ZSCAN2: variants seen among roughly 807,000 people sequenced by gnomAD.
ZSCAN2 encodes zinc finger and SCAN domain containing 2.
In ZSCAN2, 26 loss-of-function variants were observed where a neutral mutation model predicts 47.8. The observed-to-expected ratio is 0.54, with a 90% CI of 0.40 to 0.75. ZSCAN2 has a LOEUF of 0.75. Ranked by LOEUF, ZSCAN2 falls within the 30% of genes least tolerant of loss-of-function variation. The pLI is 0.00. For synonymous variants in ZSCAN2, 305 were observed against 288.7 expected, an observed-to-expected ratio of 1.06 and a Z score of -0.57; for missense variants, 732 against 785.4, an observed-to-expected ratio of 0.93 and a Z score of 0.81.
Position 84,620,925 on chromosome 15 carries a change from CACACAGGAGAGAAAT to C in ZSCAN2, c.733_747del (p.Thr245_Tyr249del). Reference sequence around the variant, plus strand: ...CCACCTCATCACACACGAGAGGACCCACACAGGAGAGAAATACTACAAATGTGATGAATGTGGAAA... The same window carrying C: ...CCACCTCATCACACACGAGAGGACCCACTACAAATGTGATGAATGTGGAAA... On this transcript the variant is annotated inframe_deletion, in exon 3 of 3. Coordinates refer to ENST00000546148, the MANE Select transcript of ZSCAN2 (RefSeq NM_181877.4). 6.2e-7 allele frequency: 1 copy of C among 1,614,142 alleles called. No homozygotes were observed. The highest frequency in any genetic ancestry group is 1.7e-5 in the Admixed American group (1 of 60,016).
rs754605006 is a variant in ZSCAN2 at position 84,620,644 on chromosome 15, A to G, written c.449A>G (p.Asp150Gly). Residue 150 changes from aspartate (D) to glycine (G), a missense_variant, in exon 3 of 3, where the codon GAC (aspartate) becomes GGC (glycine). Transcript: ENST00000546148. ...QSENGENCNQ[D>G]MFENESRKIF... ...GAAAATGGGGAGAACTGTAATCAAGACATGTTTGAGAATGAATCACGTAAG... is the reference window on the plus strand; with the variant it reads ...GAAAATGGGGAGAACTGTAATCAAGGCATGTTTGAGAATGAATCACGTAAG... 6.2e-7 allele frequency: 1 copy of G among 1,613,432 alleles called. No individual in the cohort carries two copies. The highest frequency in any genetic ancestry group is 8.5e-7 in the Non-Finnish European group (1 of 1,179,332).
rs768530916 is a variant in ZSCAN2, at chr15:84,622,506, T to C, written c.*466T>C. 5 of 659,140 alleles carry C rather than the reference T, an allele frequency of 7.6e-6. No individual in the cohort carries two copies. Among genetic ancestry groups the C allele is most frequent in the Non-Finnish European group, 1.4e-5 (5 of 358,036 alleles). 40.8% of individuals were successfully genotyped at this position (659,140 alleles called of 1,614,324 possible). A position where few individuals can be genotyped will look rare whatever the true frequency, so the allele number is the denominator to read the frequency against. On this transcript the variant is annotated 3_prime_UTR_variant, in exon 3 of 3. Coordinates refer to ENST00000546148, the MANE Select transcript of ZSCAN2 (RefSeq NM_181877.4). ...AGGTGCCTTCACCCCAAGCTGTTAGTGTTCCAGGGCACCCCAAGCTGTCAG... is the reference window on the plus strand; with the variant it reads ...AGGTGCCTTCACCCCAAGCTGTTAGCGTTCCAGGGCACCCCAAGCTGTCAG...
rs1163146228 is a variant in ZSCAN2 at position 84,622,645 on chromosome 15, G to C, written c.*605G>C. 13 of 717,386 alleles carry C rather than the reference G, an allele frequency of 1.8e-5. No homozygotes were observed. Among genetic ancestry groups the C allele is most frequent in the Non-Finnish European group, 3.1e-5 (12 of 385,104 alleles). The allele number at this position is 717,386 out of a possible 1,614,324, so 44.4% of individuals were successfully genotyped here. On this transcript the variant is annotated 3_prime_UTR_variant, in exon 3 of 3. Coordinates refer to ENST00000546148, the MANE Select transcript of ZSCAN2 (RefSeq NM_181877.4). ...AAGGTAAAGACCCTTTCTATTTCCA[G>C]AAAGTGTCAGGAGCACAGAAACTTG...
rs768337706 is a variant in ZSCAN2, at chr15:84,621,060, C to T, written c.865C>T (p.Arg289Trp). The T allele has an allele frequency of 1.2e-5, 20 of 1,613,950 alleles. No individual in the cohort carries two copies. The highest frequency in any genetic ancestry group is 3.3e-5 in the South Asian group (3 of 91,076). ...KCRDCGKSFS[R>W]SANLITHQRI... ...CAGAGACTGTGGGAAGAGCTTTAGCCGGAGTGCCAACCTCATAACCCACCA... is the reference window on the plus strand; with the variant it reads ...CAGAGACTGTGGGAAGAGCTTTAGCTGGAGTGCCAACCTCATAACCCACCA... Residue 289 changes from arginine (R) to tryptophan (W), a missense_variant, in exon 3 of 3, where the codon CGG becomes TGG. By Grantham distance (101) the Arg-to-Trp change is moderately radical. This residue lies in a region of ZSCAN2 where 412 missense variants were observed against 498.0 expected (regional missense o/e 0.83). Transcript: ENST00000546148. This position sits in a 1 kb window ranked among gnomAD's most constrained non-coding sequence, Gnocchi z 5.7.
At chr15:84,612,516 C>T (rs778294828) in intron 2 of ZSCAN2, among the ~76,000 whole-genome samples, 8 of 152,126 alleles carry the variant, frequency 5.3e-5, no homozygotes, top group African/African-American at 9.7e-5. Context: ...AGGTGGATCA[C>T]GAGGTCAGGA....
chr15:84,621,155 C>A lies in ZSCAN2; in HGVS notation c.960C>A (p.Asn320Lys). 1.2e-6 allele frequency: 2 copies of A among 1,614,004 alleles called. No individual in the cohort carries two copies. The highest frequency in any genetic ancestry group is 1.7e-6 in the Non-Finnish European group (2 of 1,179,994). Reference sequence around the variant, plus strand: ...GCAAGAGCTTCAGCAGGAGTCCCAACCTCATTGCACATCAGCGCACCCACA... The same window carrying A: ...GCAAGAGCTTCAGCAGGAGTCCCAAACTCATTGCACATCAGCGCACCCACA... ...ECGKSFSRSP[N>K]LIAHQRTHTG... Residue 320 changes from asparagine to lysine, a missense_variant, in exon 3 of 3, where the codon AAC (asparagine) becomes AAA (lysine). Coordinates refer to ENST00000546148, the MANE Select transcript of ZSCAN2 (RefSeq NM_181877.4). This position sits in a 1 kb window ranked among gnomAD's most constrained non-coding sequence, Gnocchi z 5.7.
chr15:84,606,765 C>T (rs750675228), intron 2 of ZSCAN2: 1 of 1,366,154 alleles, frequency 7.3e-7, no homozygotes, highest in Non-Finnish European at 9.4e-7. Flanking sequence ...TTTAACTGGG[C>T]ACCTGAGATG....
intron 2 of ZSCAN2, among the ~76,000 whole-genome samples, chr15:84,610,649 G>A (rs1444570576): frequency 1.3e-5 from 2 of 151,916 alleles, no homozygotes; most frequent in Non-Finnish European, 2.9e-5. Context: ...ACCACTCCCG[G>A]CTAATTTTTG....
intron 2 of ZSCAN2, among the ~76,000 whole-genome samples, chr15:84,615,173 C>T (rs1205481744): frequency 2.6e-5 from 4 of 152,134 alleles, no homozygotes; most frequent in Non-Finnish European, 4.4e-5. Flanking sequence ...CCAGGCTGAT[C>T]GTGAACTGCT....
At chr15:84,613,807 A>G (rs558089866) in intron 2 of ZSCAN2, among the ~76,000 whole-genome samples, 58 of 150,862 alleles carry the variant, frequency 3.8e-4, no homozygotes, top group Non-Finnish European at 4.4e-4. Flanking sequence ...TTAGCCTCCC[A>G]ACTAGCTGGG....
chr15:84,622,136 A>C lies in ZSCAN2; in HGVS notation c.*96A>C. On this transcript the variant is annotated 3_prime_UTR_variant, in exon 3 of 3. Coordinates refer to ENST00000546148, the MANE Select transcript of ZSCAN2 (RefSeq NM_181877.4). ...TTTCAAAGAGCTGTGCTTCCTAAAC[A>C]TTCTGGGGGGTTTTGCCAGAGTCTT... 1 of 1,149,362 alleles carries C rather than the reference A, an allele frequency of 8.7e-7. No homozygotes were observed. Among genetic ancestry groups the C allele is most frequent in the Non-Finnish European group, 1.2e-6 (1 of 801,746 alleles). 71.2% of individuals were successfully genotyped at this position (1,149,362 alleles called of 1,614,324 possible).
intron 2 of ZSCAN2, among the ~76,000 whole-genome samples, chr15:84,611,160 G>A (rs1237787520): frequency 6.6e-6 from 1 of 151,994 alleles, no homozygotes; most frequent in Non-Finnish European, 1.5e-5. Flanking sequence ...CCGGGCATGT[G>A]GTGGTGTGCA....
intron 2 of ZSCAN2, chr15:84,612,045 A>G (rs974225259): frequency 2.0e-5 from 3 of 152,270 alleles, no homozygotes; most frequent in African/African-American, 7.2e-5. Flanking sequence ...CCACCAATAA[A>G]TAAAGGAGGG....
At position 84,620,812 on chromosome 15, in the gene ZSCAN2, T is replaced by G. The variant is rs773018666; in HGVS notation, c.617T>G (p.Val206Gly). The G allele has an allele frequency of 6.2e-7, 1 of 1,614,070 alleles. No homozygotes were observed. Among genetic ancestry groups the G allele is most frequent in the Non-Finnish European group, 8.5e-7 (1 of 1,180,042 alleles). The change falls in exon 3 of 3, where the codon GTT becomes GGT. Residue 206 changes from valine to glycine, a missense_variant. Coordinates refer to ENST00000546148, the MANE Select transcript of ZSCAN2 (RefSeq NM_181877.4). ...GAGGTGGTTTCTCAGGACAGGGAAGTTGGCCAGCTCATAGGCCTGCAGGGC... is the reference window on the plus strand; with the variant it reads ...GAGGTGGTTTCTCAGGACAGGGAAGGTGGCCAGCTCATAGGCCTGCAGGGC... The part of the protein sequence containing the change: ...HGEVVSQDRE[V>G]GQLIGLQGTY...
chr15:84,609,835 C>T (rs1435644319), intron 2 of ZSCAN2, among the ~76,000 whole-genome samples: 2 of 152,222 alleles, frequency 1.3e-5, no homozygotes, highest in Non-Finnish European at 2.9e-5. Flanking sequence ...AATTTTGAGC[C>T]AAACACACAC....
intron 2 of ZSCAN2, among the ~76,000 whole-genome samples, chr15:84,613,978 C>CCT (rs1895625377): frequency 1.0e-5 from 1 of 96,922 alleles, no homozygotes; most frequent in Non-Finnish European, 2.0e-5. Flanking sequence ...CTGCTCTTGG[C>CCT]CTCTTTTTTT....
chr15:84,606,235 A>T (rs1268851152), intron 2 of ZSCAN2: 1 of 370,180 alleles, frequency 2.7e-6, no homozygotes, highest in East Asian at 7.1e-5. Flanking sequence ...GGAGAAAGGG[A>T]CTGACGCCGA....
intron 2 of ZSCAN2, chr15:84,606,827 T>G: frequency 8.0e-7 from 1 of 1,254,134 alleles, no homozygotes; most frequent in Admixed American, 4.4e-5. Flanking sequence ...CCCTGACTTC[T>G]GCCTCTGAGA....
intron 2 of ZSCAN2, chr15:84,611,967 A>T (rs1895562760): frequency 1.3e-5 from 2 of 152,164 alleles, no homozygotes; most frequent in South Asian, 4.1e-4. Context: ...CTCCATTCAC[A>T]ACGTGGTAAG....
Sources: allele counts gnomAD v4.1 joint callset (sites outside exome capture counted in the v4.1 genomes callset), GRCh38; gene constraint gnomAD v4.1.1; regional missense constraint gnomAD v4.1.1; non-coding constraint Gnocchi (gnomAD v3.1); transcripts MANE v1.5; gene names NCBI Gene and HGNC (gene_info 2026-07-23, HGNC 2026-07-21).